Variants in SP140 observed in about 807,000 individuals in gnomAD.
SP140 encodes nuclear body protein SP140.
A neutral mutation model predicts 125.0 loss-of-function variants in SP140; 81 were observed. The observed-to-expected ratio is 0.65, with a 90% CI of 0.54 to 0.78. SP140 has a LOEUF of 0.78. Ranked by LOEUF, SP140 falls within the 30% of genes least tolerant of loss-of-function variation. The pLI is 0.00. For missense variants in SP140, 858 were observed against 1,037.0 expected (o/e 0.83, Z 2.37); for synonymous variants, 312 against 354.0 (o/e 0.88, Z 1.33).
chr2:230,305,303 G>A (rs2149578878), intron 22 of SP140, among the ~76,000 whole-genome samples: 1 of 152,352 alleles, frequency 6.6e-6, no homozygotes, highest in South Asian at 2.1e-4. Flanking sequence ...TACACTTCTG[G>A]TGGGAATGTA....
At chr2:230,241,366 C>T in intron 3 of SP140, 38 bp from the exon 4 acceptor site, 1 of 1,285,320 alleles carries the variant, frequency 7.8e-7, no homozygotes. Context: ...CCTCTGGTCA[C>T]TGTCTGAGTT....
the SP140 span, among the ~76,000 whole-genome samples, chr2:230,186,583 C>T: frequency 6.6e-6 from 1 of 152,102 alleles, no homozygotes; most frequent in Non-Finnish European, 1.5e-5. Flanking sequence ...ATGGCAAAAT[C>T]TGAGACTTTA....
At chr2:230,228,049 A>C (rs1404140922) in intron 1 of SP140, among the ~76,000 whole-genome samples, 2 of 152,110 alleles carry the variant, frequency 1.3e-5, no homozygotes, top group Non-Finnish European at 2.9e-5. Context: ...ATTTAATACT[A>C]TACATTTCCT....
At chr2:230,310,100 C>A (rs2059197362) in intron 23 of SP140, 61 bp downstream of exon 23, 1 of 1,515,544 alleles carries the variant, frequency 6.6e-7, no homozygotes, top group African/African-American at 1.4e-5. Context: ...CTGCCATGCG[C>A]ACTCTCCAGC....
chr2:230,214,836 AC>A (rs1453031526), intron 3 of SP140: 3 of 863,408 alleles, frequency 3.5e-6, no homozygotes, highest in Non-Finnish European at 5.8e-6. Context: ...GGTCCATTCC[AC>A]CCCAGAGAGA....
intron 1 of SP140, chr2:230,234,990 T>G (rs2047762278): frequency 6.6e-6 from 1 of 152,246 alleles, no homozygotes; most frequent in Admixed American, 6.5e-5. Context: ...ACCAGCAAGA[T>G]GCTGAAAAGT....
Position 230,245,007 on chromosome 2 carries a change from T to C in SP140, c.591T>C (p.Cys197=). The part of the protein sequence containing the change: ...RCEPGFSSES[C]EQLALPKAGG... ...TTCCAGGTTTCTCTTCAGAGTCTTG[T>C]GAGCAGTTAGCTCTCCCAAAGGCTG... The change falls in exon 6 of 27, where the codon TGT becomes TGC. Residue 197 remains cysteine, a synonymous_variant. Transcript: ENST00000392045. 6.2e-7 allele frequency: 1 copy of C among 1,612,954 alleles called. No individual in the cohort carries two copies. Among genetic ancestry groups the C allele is most frequent in the Non-Finnish European group, 8.5e-7 (1 of 1,179,268 alleles).
upstream of SP140, among the ~76,000 whole-genome samples, chr2:230,200,083 A>G (rs958539029): frequency 1.3e-5 from 2 of 152,256 alleles, no homozygotes; most frequent in Non-Finnish European, 2.9e-5. Flanking sequence ...TTGAAATACT[A>G]CTAGATAAGC....
intron 1 of SP140, among the ~76,000 whole-genome samples, chr2:230,213,407 A>T (rs2044718183): frequency 6.6e-6 from 1 of 152,228 alleles, no homozygotes; most frequent in Non-Finnish European, 1.5e-5. Flanking sequence ...TAAACAGATC[A>T]TACTTCCCCG....
chr2:230,312,774 G>T lies in SP140; in HGVS notation c.*90G>T. Reference sequence around the variant, plus strand: ...CTGACTTCAAAATGAGGTCACTTGGGCACAGCACATGCAGGGAGGGGCTTT... The same window carrying T: ...CTGACTTCAAAATGAGGTCACTTGGTCACAGCACATGCAGGGAGGGGCTTT... On this transcript the variant is annotated 3_prime_UTR_variant, in exon 27 of 27. Coordinates refer to ENST00000392045, the MANE Select transcript of SP140 (RefSeq NM_007237.5). 2 of 908,190 alleles carry T rather than the reference G, an allele frequency of 2.2e-6. No homozygotes were observed. The highest frequency in any genetic ancestry group is 2.5e-5 in the East Asian group (1 of 39,256). 56.3% of individuals were successfully genotyped at this position (908,190 alleles called of 1,614,324 possible). A position where few individuals can be genotyped will look rare whatever the true frequency, so the allele number is the denominator to read the frequency against.
At chr2:230,204,961 T>G (rs2043603633) in intron 1 of SP140, among the ~76,000 whole-genome samples, 1 of 152,164 alleles carries the variant, frequency 6.6e-6, no homozygotes, top group South Asian at 2.1e-4. Flanking sequence ...ACTGGAGTTT[T>G]GAGTGGAAAG....
At chr2:230,240,508 T>A (rs1007219331) in intron 3 of SP140, among the ~76,000 whole-genome samples, 1 of 152,150 alleles carries the variant, frequency 6.6e-6, no homozygotes, top group Non-Finnish European at 1.5e-5. Context: ...GACAAACGAT[T>A]TGAACAGACA....
the SP140 span, among the ~76,000 whole-genome samples, chr2:230,191,626 T>C: frequency 1.3e-5 from 2 of 152,124 alleles, no homozygotes; most frequent in Non-Finnish European, 2.9e-5. Flanking sequence ...AGCTCTGAAA[T>C]TGAGGCAGTA....
intron 1 of SP140, among the ~76,000 whole-genome samples, chr2:230,226,508 T>G (rs13397985): frequency 0.15 from 22,332 of 152,148 alleles, 1,803 homozygotes; most frequent in Middle Eastern, 0.23. Context: ...TGGTATTTTT[T>G]ACATATCTGG....
At chr2:230,251,402 A>G (rs974978462) in intron 10 of SP140, among the ~76,000 whole-genome samples, 3 of 152,144 alleles carry the variant, frequency 2.0e-5, no homozygotes, top group African/African-American at 7.2e-5. Flanking sequence ...ACTGAATAAG[A>G]TCTCCTGATA....
At chr2:230,229,702 C>T (rs939377794) in intron 1 of SP140, among the ~76,000 whole-genome samples, 1 of 151,862 alleles carries the variant, frequency 6.6e-6, no homozygotes, top group African/African-American at 2.4e-5. Flanking sequence ...ATTCTTTTAA[C>T]ATTTTCACAT....
intron 1 of SP140, among the ~76,000 whole-genome samples, chr2:230,205,320 C>T (rs2043646678): frequency 6.6e-6 from 1 of 152,132 alleles, no homozygotes; most frequent in South Asian, 2.1e-4. Flanking sequence ...CACCTTCTTT[C>T]TTCATCATCA....
At chr2:230,305,830 C>T (rs1390545746) in intron 22 of SP140, among the ~76,000 whole-genome samples, 2 of 152,242 alleles carry the variant, frequency 1.3e-5, no homozygotes, top group Non-Finnish European at 2.9e-5. Flanking sequence ...CAAAGGGCCG[C>T]CAGAGGCCGT....
chr2:230,209,795 A>T, intron 1 of SP140: 1 of 713,054 alleles, frequency 1.4e-6, no homozygotes, highest in Non-Finnish European at 2.5e-6. Context: ...CAGCAAATGG[A>T]AACTGCAGAA....
Sources: gnomAD v4.1 joint callset for allele counts (sites outside exome capture counted in the v4.1 genomes callset) on GRCh38, gnomAD v4.1.1 for gene constraint, MANE v1.5 for transcripts, NCBI Gene and HGNC (gene_info 2026-07-23, HGNC 2026-07-21) for gene names.